CD226: variants seen among roughly 807,000 people sequenced by gnomAD.
CD226 encodes CD226 molecule.
A neutral mutation model predicts 34.9 loss-of-function variants in CD226; 24 were observed. The ratio of observed to expected loss-of-function variants is 0.69; its 90% confidence interval spans 0.50 to 0.97. CD226 has a LOEUF of 0.97. Among genes scored for constraint, CD226 ranks in the 50% least tolerant of loss-of-function variants. The pLI, the probability that CD226 is intolerant of heterozygous loss-of-function variation, is 0.00. For missense variants in CD226, 397 were observed against 412.7 expected (o/e 0.96, Z 0.33); for synonymous variants, 148 against 147.4 (o/e 1.00, Z -0.03).
At position 69,905,514 on chromosome 18, in the gene CD226, C is replaced by T. The variant is rs554470575; in HGVS notation, c.383-9469G>A. ...CCTTGTCCCTGCCAAGGTGAGTGCA[C>T]CGCGGGGCAGAGGGCAGAGAAGGAG... On this transcript the variant is annotated intron_variant, in intron 2 of 5. Transcript: ENST00000582621. Among the ~76,000 whole-genome samples, 185 of 152,212 alleles carry T rather than the reference C, an allele frequency of 1.2e-3. 1 individual carries two copies. The highest frequency in any genetic ancestry group is 6.8e-3 in the Middle Eastern group (2 of 294).
intron 4 of CD226, among the ~76,000 whole-genome samples, chr18:69,869,487 A>G (rs1983368702): frequency 6.6e-6 from 1 of 152,138 alleles, no homozygotes; most frequent in Admixed American, 6.5e-5. Context: ...GGAACAACAC[A>G]CACTGGAGCC....
rs1457654586 is a variant in CD226, at chr18:69,941,543, C to T, written c.382+5191G>A. ...GGAACTTGAAGTTTTAATGACTGCC[C>T]TACAGGATTTCAGACTTGCATGGAG... On this transcript the variant is annotated intron_variant, in intron 2 of 5. Transcript: ENST00000582621. Among the ~76,000 whole-genome samples the T allele has an allele frequency of 2.0e-5, 3 of 152,218 alleles. No homozygotes were observed. The East Asian group carries it at 5.8e-4, about 29-fold the overall frequency.
At chr18:69,937,261 G>A (rs1444603845) in intron 2 of CD226, among the ~76,000 whole-genome samples, 1 of 152,042 alleles carries the variant, frequency 6.6e-6, no homozygotes, top group African/African-American at 2.4e-5. Flanking sequence ...TTTTGTTGTT[G>A]GGGTCCTTTT....
At chr18:69,944,460 C>T (rs2055764739) in intron 2 of CD226, 1 of 152,220 alleles carries the variant, frequency 6.6e-6, no homozygotes, top group African/African-American at 2.4e-5. Flanking sequence ...GAAGACTATT[C>T]ATATGTGATG....
chr18:69,867,312 C>T (rs779923632), intron 5 of CD226, 45 bp downstream of exon 5: 1 of 1,309,432 alleles, frequency 7.6e-7, no homozygotes, highest in Non-Finnish European at 1.1e-6. Flanking sequence ...GACTTTGCAT[C>T]TGTAAATTAC....
intron 2 of CD226, among the ~76,000 whole-genome samples, chr18:69,920,942 A>T (rs557188910): frequency 5.6e-4 from 86 of 152,326 alleles, no homozygotes; most frequent in African/African-American, 1.7e-3. Context: ...TATACAAAAA[A>T]GTCATCTCGC....
At position 69,861,554 on chromosome 18, in the gene CD226, G is replaced by GTATATTTATATATATATATATATATA. The variant is rs1555675809; in HGVS notation, c.*2759_*2760insTATATATATATATATATATAAATATA. On this transcript the variant is annotated 3_prime_UTR_variant, in exon 6 of 6. Coordinates refer to ENST00000582621, the MANE Select transcript of CD226 (RefSeq NM_001303618.2). ...ATAAATTATATGTGTATATATATAT[G>GTATATTTATATATATATATATATATA]TATATATATATATATATATGTAAAA... is the stretch of plus-strand genomic sequence containing the variant. The GTATATTTATATATATATATATATATA allele has an allele frequency of 7.8e-6, 1 of 127,948 alleles. No homozygotes were observed. The highest frequency in any genetic ancestry group is 8.5e-5 in the Admixed American group (1 of 11,704). 7.9% of individuals were successfully genotyped at this position (127,948 alleles called of 1,614,324 possible).
At chr18:69,956,711 T>C (rs1041096999) in intron 1 of CD226, 9 of 152,340 alleles carry the variant, frequency 5.9e-5, no homozygotes, top group African/African-American at 2.2e-4. Context: ...TTTAAAAAGT[T>C]GAGCTCAGAC....
intron 2 of CD226, among the ~76,000 whole-genome samples, chr18:69,913,227 CACAAGA>C (rs1458207215): frequency 4.6e-5 from 7 of 151,992 alleles, no homozygotes; most frequent in Non-Finnish European, 1.5e-5. Flanking sequence ...AGAGAGACAT[CACAAGA>C]ATACCAAGGA....
intron 5 of CD226, among the ~76,000 whole-genome samples, chr18:69,865,495 C>A (rs1983084304): frequency 6.6e-6 from 1 of 150,742 alleles, no homozygotes; most frequent in Non-Finnish European, 1.5e-5. Context: ...TTGCAAAGCT[C>A]CCTTTCATTC....
chr18:69,913,268 G>C (rs1189593920), intron 2 of CD226, among the ~76,000 whole-genome samples: 1 of 151,916 alleles, frequency 6.6e-6, no homozygotes, highest in Non-Finnish European at 1.5e-5. Context: ...AAATGAACGT[G>C]GAAACATTTT....
chr18:69,937,576 A>G (rs3934438), intron 2 of CD226, among the ~76,000 whole-genome samples: 117,423 of 152,144 alleles, frequency 0.77, 52,146 homozygotes, highest in East Asian at 1. Flanking sequence ...TAGAGCTAAG[A>G]TCTATGTCTT....
intron 3 of CD226, among the ~76,000 whole-genome samples, chr18:69,880,995 T>C (rs576679067): frequency 6.6e-6 from 1 of 152,280 alleles, no homozygotes; most frequent in South Asian, 2.1e-4. Context: ...TAGTCAATAA[T>C]AATGTATACT....
At chr18:69,938,194 G>T (rs1195420878) in intron 2 of CD226, among the ~76,000 whole-genome samples, 1 of 152,178 alleles carries the variant, frequency 6.6e-6, no homozygotes, top group Non-Finnish European at 1.5e-5. Flanking sequence ...CAAAGTACCT[G>T]CATGTGTGGA....
rs200937937 is a variant in CD226, at chr18:69,855,324, TAAA to T, written c.*8987_*8989del. On this transcript the variant is annotated 3_prime_UTR_variant, in exon 6 of 6. Coordinates refer to ENST00000582621, the MANE Select transcript of CD226 (RefSeq NM_001303618.2). The stretch of plus-strand genomic sequence containing the variant: ...GAAAGATGGAAACACTAAGAAGGAA[TAAA>T]AAAGAAATGGTAGCAATAAAAAACA... 16 of 151,446 alleles carry T rather than the reference TAAA, an allele frequency of 1.1e-4. No homozygotes were observed. In the East Asian group the frequency reaches 2.9e-3, roughly 28 times the overall value. The allele number at this position is 151,446 out of a possible 1,614,324, so 9.4% of individuals were successfully genotyped here.
chr18:69,920,603 T>C (rs2145308219), intron 2 of CD226, among the ~76,000 whole-genome samples: 1 of 152,338 alleles, frequency 6.6e-6, no homozygotes, highest in Non-Finnish European at 1.5e-5. Context: ...CTTCTATATG[T>C]TGTTATTTGG....
rs1320655737 is a variant in CD226, at chr18:69,946,968, A to T, written c.148T>A (p.Trp50Arg). Residue 50 changes from tryptophan (W) to arginine (R), a missense_variant, in exon 2 of 6, where the codon TGG becomes AGG. Coordinates refer to ENST00000582621, the MANE Select transcript of CD226 (RefSeq NM_001303618.2). ...TCCTGCTGGGTCCCGATCTTGAACC[A>T]CTCCACCTGTGTTAAGATGCCCATT... ...PSMGILTQVE[W>R]FKIGTQQDSI... The T allele has an allele frequency of 4.3e-6, 7 of 1,614,010 alleles. No individual in the cohort carries two copies. The highest frequency in any genetic ancestry group is 5.9e-6 in the Non-Finnish European group (7 of 1,179,990).
chr18:69,942,843 G>T (rs1003381351), intron 2 of CD226, among the ~76,000 whole-genome samples: 1 of 152,108 alleles, frequency 6.6e-6, no homozygotes, highest in African/African-American at 2.4e-5. Flanking sequence ...CCTCCACTGT[G>T]CCCTTCTTTA....
chr18:69,945,981 C>T (rs1439558154), intron 2 of CD226, among the ~76,000 whole-genome samples: 3 of 151,672 alleles, frequency 2.0e-5, no homozygotes, highest in South Asian at 4.2e-4. Context: ...AAGACTTGCC[C>T]GCACGATTCA....
Sources: allele counts gnomAD v4.1 joint callset (sites outside exome capture counted in the v4.1 genomes callset), GRCh38; gene constraint gnomAD v4.1.1; transcripts MANE v1.5; gene names NCBI Gene and HGNC (gene_info 2026-07-23, HGNC 2026-07-21).